The following DLG2 variants were observed in gnomAD, a reference collection of about 807,000 sequenced individuals.
The protein encoded by DLG2 is discs large MAGUK scaffold protein 2.
Under a neutral mutation model 132.5 loss-of-function variants are expected in DLG2, and 45 were observed. The observed-to-expected ratio is 0.34, with a 90% CI of 0.27 to 0.44. DLG2 has a LOEUF of 0.44. Among genes scored for constraint, DLG2 ranks in the 20% least tolerant of loss-of-function variants. The pLI, the probability that DLG2 is intolerant of heterozygous loss-of-function variation, is 1.00. For synonymous variants in DLG2, 424 were observed against 419.6 expected (o/e 1.01, Z -0.13); for missense variants, 1,045 against 1,196.9 (o/e 0.87, Z 1.87).
At chr11:84,419,574 AAGAC>A (rs2098941473) in intron 7 of DLG2, among the ~76,000 whole-genome samples, 1 of 152,332 alleles carries the variant, frequency 6.6e-6, no homozygotes, top group East Asian at 1.9e-4. Flanking sequence ...TTTCTCTTTC[AAGAC>A]AGACACACAG....
rs371667909 is a variant in DLG2, at chr11:84,536,585, G to C, written c.358-1854C>G. 1.6e-3 allele frequency among the ~76,000 whole-genome samples: 241 copies of C among 152,304 alleles called. 5 individuals are homozygous for C. In the South Asian group the frequency reaches 0.048, roughly 31 times the overall value. ...TTTTGATCAGTTACGCCCATTATGA[G>C]TGGAATAGTGTCACACTTGCGCCCA... On this transcript the variant is annotated intron_variant, in intron 6 of 27. Transcript: ENST00000376104.
intron 4 of DLG2, among the ~76,000 whole-genome samples, chr11:85,204,057 A>C (rs137889284): frequency 6.6e-6 from 1 of 152,162 alleles, no homozygotes; most frequent in Non-Finnish European, 1.5e-5. Flanking sequence ...AAGTCCGTAT[A>C]TGACAAACCG....
chr11:84,109,907 G>A (rs2093237773), intron 9 of DLG2, among the ~76,000 whole-genome samples: 1 of 152,074 alleles, frequency 6.6e-6, no homozygotes, highest in African/African-American at 2.4e-5. Context: ...CTCCCCATCG[G>A]TCCCTACATT....
chr11:84,949,520 C>CT (rs2050657927), intron 6 of DLG2, among the ~76,000 whole-genome samples: 1 of 147,918 alleles, frequency 6.8e-6, no homozygotes, highest in Non-Finnish European at 1.5e-5. Context: ...CAGGTACACC[C>CT]TGGCGGGCGG....
chr11:83,539,136 C>T (rs2095984022), intron 20 of DLG2, among the ~76,000 whole-genome samples: 2 of 152,108 alleles, frequency 1.3e-5, no homozygotes, highest in South Asian at 4.1e-4. Context: ...AAAGGGCTTA[C>T]AACAGTGTCT....
chr11:84,148,190 T>C (rs2095158991), intron 9 of DLG2, among the ~76,000 whole-genome samples: 1 of 152,146 alleles, frequency 6.6e-6, no homozygotes, highest in Non-Finnish European at 1.5e-5. Flanking sequence ...TATTTCTGAT[T>C]TTTCCTTGGA....
intron 14 of DLG2, among the ~76,000 whole-genome samples, chr11:83,958,450 C>T (rs1329566425): frequency 6.6e-6 from 1 of 152,080 alleles, no homozygotes; most frequent in Non-Finnish European, 1.5e-5. Flanking sequence ...GAAAGACACA[C>T]TAAATTCACA....
chr11:83,789,755 C>T (rs1483349965), intron 17 of DLG2, among the ~76,000 whole-genome samples: 2 of 152,096 alleles, frequency 1.3e-5, no homozygotes, highest in Non-Finnish European at 2.9e-5. Context: ...ACCATGTTGG[C>T]CAGGATGGTC....
At chr11:85,125,347 G>C (rs2074961947) in intron 5 of DLG2, among the ~76,000 whole-genome samples, 1 of 152,124 alleles carries the variant, frequency 6.6e-6, no homozygotes, top group East Asian at 1.9e-4. Context: ...AATCATGTTT[G>C]GAGGGAAAAC....
chr11:83,778,039 T>C (rs756505389), intron 18 of DLG2, among the ~76,000 whole-genome samples: 1 of 152,134 alleles, frequency 6.6e-6, no homozygotes, highest in Non-Finnish European at 1.5e-5. Context: ...CATTACTCAT[T>C]ATTAAAGTTG....
rs35174714 is a variant in DLG2, at chr11:84,767,624, A to AT, written c.358-232894dup. Among the ~76,000 whole-genome samples the AT allele has an allele frequency of 5.0e-4, 74 of 148,492 alleles. No individual in the cohort carries two copies. In the South Asian group the frequency reaches 7.2e-3, roughly 15 times the overall value. On this transcript the variant is annotated intron_variant, in intron 6 of 27. Coordinates refer to ENST00000376104, the MANE Select transcript of DLG2 (RefSeq NM_001142699.3). ...AACCTGGAACATGTTTCCTGTCAAG[A>AT]TTTTTTTTTTTATTAAGCTATGTGA...
chr11:84,116,159 T>G (rs2093624221), intron 9 of DLG2, among the ~76,000 whole-genome samples: 1 of 152,182 alleles, frequency 6.6e-6, no homozygotes, highest in African/African-American at 2.4e-5. Flanking sequence ...ATCCTGGACT[T>G]TATTTATTAA....
intron 4 of DLG2, among the ~76,000 whole-genome samples, chr11:85,172,089 T>C (rs1270842621): frequency 1.3e-5 from 2 of 152,212 alleles, no homozygotes; most frequent in Non-Finnish European, 2.9e-5. Flanking sequence ...GCAGCACACC[T>C]GCTTTGCTAA....
chr11:83,584,568 G>C (rs1748224979), intron 19 of DLG2, among the ~76,000 whole-genome samples: 1 of 152,232 alleles, frequency 6.6e-6, no homozygotes, highest in Non-Finnish European at 1.5e-5. Flanking sequence ...TCAGTGAAAT[G>C]AGGATTGTGT....
intron 6 of DLG2, among the ~76,000 whole-genome samples, chr11:84,765,189 G>T (rs866516728): frequency 6.6e-6 from 1 of 152,024 alleles, no homozygotes; most frequent in South Asian, 2.1e-4. Context: ...CCTCCATAAT[G>T]CCTAGAACAG....
Position 85,471,299 on chromosome 11 carries a change from A to G in DLG2, c.40+127358T>C, listed in dbSNP as rs1404881545. ...TATATTCAAGTTAAGATATATAAAC[A>G]TAGATTTTTTAGACTTATTTTAAAA... On this transcript the variant is annotated intron_variant, in intron 3 of 27. Transcript: ENST00000376104. Among the ~76,000 whole-genome samples the G allele has an allele frequency of 3.3e-5, 5 of 152,356 alleles. No homozygotes were observed. The East Asian group carries it at 5.8e-4, about 18-fold the overall frequency.
intron 16 of DLG2, among the ~76,000 whole-genome samples, chr11:83,858,599 C>CT (rs1488805609): frequency 1.3e-5 from 2 of 152,230 alleles, no homozygotes; most frequent in Non-Finnish European, 2.9e-5. Context: ...TTATAATATC[C>CT]TTTTTTGCCC....
chr11:83,867,289 T>C (rs2062578729), intron 16 of DLG2, among the ~76,000 whole-genome samples: 1 of 152,244 alleles, frequency 6.6e-6, no homozygotes. Flanking sequence ...TAAAGTGGGT[T>C]AAAGGTACCT....
intron 6 of DLG2, among the ~76,000 whole-genome samples, chr11:84,993,407 A>C (rs115903056): frequency 0.011 from 1,627 of 152,262 alleles, 39 homozygotes; most frequent in African/African-American, 0.037. Flanking sequence ...ATAGCCAAAA[A>C]CTATCTTGGA....
Sources: gnomAD v4.1 joint callset for allele counts (sites outside exome capture counted in the v4.1 genomes callset) on GRCh38, gnomAD v4.1.1 for gene constraint, MANE v1.5 for transcripts, NCBI Gene and HGNC (gene_info 2026-07-23, HGNC 2026-07-21) for gene names.